The following FNBP1L variants were observed in gnomAD, a reference collection of about 807,000 sequenced individuals.
FNBP1L encodes the protein formin binding protein 1 like.
FNBP1L carries 36 observed loss-of-function variants against 91.2 expected under a neutral mutation model. That is an observed-to-expected ratio of 0.39 (90% confidence interval 0.30 to 0.52). The LOEUF is 0.52. Among genes scored for constraint, FNBP1L ranks in the 20% least tolerant of loss-of-function variants. The pLI, the probability that FNBP1L is intolerant of heterozygous loss-of-function variation, is 0.66. For missense variants in FNBP1L, 571 were observed against 732.1 expected (o/e 0.78, Z 2.54); for synonymous variants, 242 against 237.0 (o/e 1.02, Z -0.19).
At chr1:93,467,576 A>G (rs917077058) in intron 1 of FNBP1L, among the ~76,000 whole-genome samples, 1 of 152,166 alleles carries the variant, frequency 6.6e-6, no homozygotes, top group African/African-American at 2.4e-5. Context: ...ATGGTTGTAC[A>G]ACAGTATGAA....
intron 1 of FNBP1L, among the ~76,000 whole-genome samples, chr1:93,457,992 C>T (rs1458884672): frequency 1.3e-5 from 2 of 151,924 alleles, no homozygotes; most frequent in Non-Finnish European, 2.9e-5. Context: ...AGGGTTTCAC[C>T]GTGCTAACCA....
intron 1 of FNBP1L, among the ~76,000 whole-genome samples, chr1:93,492,480 G>C (rs1415489460): frequency 6.6e-6 from 1 of 152,158 alleles, no homozygotes; most frequent in East Asian, 1.9e-4. Flanking sequence ...TAAGAAATGG[G>C]ATACTTTACT....
At chr1:93,483,156 C>T (rs1669772819) in intron 1 of FNBP1L, among the ~76,000 whole-genome samples, 1 of 145,882 alleles carries the variant, frequency 6.9e-6, no homozygotes, top group African/African-American at 2.6e-5. Context: ...TGCCACTGCA[C>T]TCTGGCCTAG....
chr1:93,549,438 TTAA>T lies in FNBP1L; in HGVS notation c.1651+18_1651+20del. ...CTACCCTTTTGATGGTATGATTTTCTTAATAATATTGTATGTAAAAAAATTGGT... is the reference window on the plus strand; with the variant it reads ...CTACCCTTTTGATGGTATGATTTTCTTAATATTGTATGTAAAAAAATTGGT... On this transcript the variant is annotated intron_variant, in intron 15 of 16. Coordinates refer to ENST00000271234, the MANE Select transcript of FNBP1L (RefSeq NM_001164473.3). 1 of 1,552,616 alleles carries T rather than the reference TTAA, an allele frequency of 6.4e-7. No homozygotes were observed. The highest frequency in any genetic ancestry group is 8.7e-7 in the Non-Finnish European group (1 of 1,154,662).
chr1:93,515,635 A>G (rs1225597315), intron 2 of FNBP1L, among the ~76,000 whole-genome samples: 1 of 151,810 alleles, frequency 6.6e-6, no homozygotes, highest in Non-Finnish European at 1.5e-5. Flanking sequence ...TGAAATTGGA[A>G]ATCATCATTC....
rs191511825 is a variant in FNBP1L, at chr1:93,509,758, C to T, written c.140+10175C>T. ...GGCGCAGGTCAGTGGGTGCACGCAC[C>T]GTGCACGAGCCCTGCTTGGGCGAGG... On this transcript the variant is annotated intron_variant, in intron 2 of 16. Transcript: ENST00000271234. 1.6e-3 allele frequency among the ~76,000 whole-genome samples: 248 copies of T among 152,296 alleles called. 2 individuals are homozygous for T. Among genetic ancestry groups the T allele is most frequent in the African/African-American group, 5.1e-3 (213 of 41,576 alleles).
Position 93,546,846 on chromosome 1 carries a change from GC to G in FNBP1L, c.1280del (p.Ala427AspfsTer5). 6.2e-7 allele frequency: 1 copy of G among 1,611,462 alleles called. No individual in the cohort carries two copies. Among genetic ancestry groups the G allele is most frequent in the Non-Finnish European group, 8.5e-7 (1 of 1,178,872 alleles). On this transcript the variant is annotated frameshift_variant, in exon 13 of 17. Coordinates refer to ENST00000271234, the MANE Select transcript of FNBP1L (RefSeq NM_001164473.3). LOFTEE classifies it high-confidence loss of function. The stretch of plus-strand genomic sequence containing the variant: ...GGGGTTCCTTCTCTTTTTTAGAGAT[GC>G]ACTCAACAAAATGAAAGATGTATAT... The part of the protein sequence containing the change: ...ELQKESDQKD[A>X]LNKMKDVYEK...
At chr1:93,522,195 ATTAT>A (rs1671352227) in intron 3 of FNBP1L, 60 bp downstream of exon 3, 1 of 785,952 alleles carries the variant, frequency 1.3e-6, no homozygotes, top group Non-Finnish European at 1.8e-6. Context: ...TTATATTTTT[ATTAT>A]TTAGTAAGAT....
At chr1:93,459,261 C>T (rs1454780380) in intron 1 of FNBP1L, among the ~76,000 whole-genome samples, 5 of 152,174 alleles carry the variant, frequency 3.3e-5, no homozygotes, top group Admixed American at 3.3e-4. Context: ...GAGACTCTGT[C>T]TCACAAAAGA....
chr1:93,503,690 T>C (rs1670511116), intron 2 of FNBP1L, among the ~76,000 whole-genome samples: 1 of 152,212 alleles, frequency 6.6e-6, no homozygotes, highest in Non-Finnish European at 1.5e-5. Flanking sequence ...TCCATTTTGA[T>C]TGATGGAAAA....
Position 93,453,998 on chromosome 1 carries a change from T to A in FNBP1L, c.24+5693T>A, listed in dbSNP as rs529228423. Among the ~76,000 whole-genome samples the A allele has an allele frequency of 1.2e-3, 182 of 152,242 alleles. 1 individual carries two copies. In the Middle Eastern group the frequency reaches 0.017, roughly 14 times the overall value. On this transcript the variant is annotated intron_variant, in intron 1 of 16. Transcript: ENST00000271234. ...TTTCATTCTAGGTATCACAGGAAAATCTTTAGGAAGACTGTCATTTGACCT... is the reference window on the plus strand; with the variant it reads ...TTTCATTCTAGGTATCACAGGAAAAACTTTAGGAAGACTGTCATTTGACCT...
chr1:93,523,388 A>G lies in FNBP1L; in HGVS notation c.239A>G (p.Asn80Ser), dbSNP rs754527285. Residue 80 changes from asparagine to serine, a missense_variant, in exon 4 of 17, where the codon AAT becomes AGT. By Grantham distance (46) the Asn-to-Ser change is conservative (BLOSUM62 1). This residue lies in a region of FNBP1L where 220 missense variants were observed against 313.6 expected (regional missense o/e 0.70). Transcript: ENST00000271234. Reference sequence around the variant, plus strand: ...TTTTTTAATATCCTTAATGAGTTAAATGACTATGCAGGACAGCGAGAAGTT... The same window carrying G: ...TTTTTTAATATCCTTAATGAGTTAAGTGACTATGCAGGACAGCGAGAAGTT... ...VAFFNILNEL[N>S]DYAGQREVVA... 1.7e-5 allele frequency: 27 copies of G among 1,609,094 alleles called. No homozygotes were observed. The South Asian group carries it at 2.9e-4, about 17-fold the overall frequency.
intron 1 of FNBP1L, among the ~76,000 whole-genome samples, chr1:93,494,915 A>C (rs750364831): frequency 6.6e-6 from 1 of 152,206 alleles, no homozygotes; most frequent in Non-Finnish European, 1.5e-5. Context: ...TAAAACCATC[A>C]GATCTCATGA....
chr1:93,511,089 C>T (rs1251125981), intron 2 of FNBP1L, among the ~76,000 whole-genome samples: 1 of 152,120 alleles, frequency 6.6e-6, no homozygotes, highest in African/African-American at 2.4e-5. Context: ...CATTCAGATT[C>T]AGGAAATAAA....
intron 2 of FNBP1L, among the ~76,000 whole-genome samples, chr1:93,508,230 G>A (rs559040606): frequency 6.6e-6 from 1 of 151,998 alleles, no homozygotes; most frequent in South Asian, 2.1e-4. Flanking sequence ...TGTGCCTGCA[G>A]TCCCAGCTAC....
chr1:93,510,122 G>A (rs1456583007), intron 2 of FNBP1L, among the ~76,000 whole-genome samples: 1 of 152,200 alleles, frequency 6.6e-6, no homozygotes, highest in Non-Finnish European at 1.5e-5. Flanking sequence ...AGCTCAAGGA[G>A]GCCTGCCTGC....
chr1:93,458,311 A>T (rs1668743779), intron 1 of FNBP1L, among the ~76,000 whole-genome samples: 1 of 151,978 alleles, frequency 6.6e-6, no homozygotes, highest in South Asian at 2.1e-4. Flanking sequence ...TTGTTTTTAG[A>T]TAGAGATGGG....
chr1:93,451,083 T>G (rs541418688), intron 1 of FNBP1L, among the ~76,000 whole-genome samples: 48 of 152,352 alleles, frequency 3.2e-4, no homozygotes, highest in Non-Finnish European at 1.0e-4. Flanking sequence ...GTCACAGTTT[T>G]GCATTGTATT....
intron 1 of FNBP1L, among the ~76,000 whole-genome samples, chr1:93,455,763 T>A (rs569110964): frequency 4.5e-4 from 68 of 152,384 alleles, no homozygotes; most frequent in Non-Finnish European, 9.4e-4. Context: ...CAATGATAAA[T>A]GCTTTAAAAC....
Sources: allele counts gnomAD v4.1 joint callset (sites outside exome capture counted in the v4.1 genomes callset), GRCh38; gene constraint gnomAD v4.1.1; regional missense constraint gnomAD v4.1.1; transcripts MANE v1.5; gene names NCBI Gene and HGNC (gene_info 2026-07-23, HGNC 2026-07-21).